NKAIN2: variants seen among roughly 807,000 people sequenced by gnomAD.
NKAIN2 encodes sodium/potassium-transporting ATPase subunit beta-1-interacting protein 2.
A neutral mutation model predicts 32.6 loss-of-function variants in NKAIN2; 14 were observed. That is an observed-to-expected ratio of 0.43 (90% confidence interval 0.28 to 0.67). The LOEUF (loss-of-function observed/expected upper bound fraction) is 0.67, where lower values mean the gene tolerates loss of function less well. NKAIN2 is among the 30% of genes least tolerant of loss of function. The pLI is 0.17. For missense variants in NKAIN2, 198 were observed against 258.3 expected (o/e 0.77, Z 1.60); for synonymous variants, 80 against 87.2 (o/e 0.92, Z 0.46).
chr6:123,993,819 A>G (rs1305833765), intron 1 of NKAIN2, among the ~76,000 whole-genome samples: 2 of 152,216 alleles, frequency 1.3e-5, no homozygotes, highest in Admixed American at 6.6e-5. Context: ...TCACACTGGA[A>G]GTAGCTTTTA....
At chr6:124,804,421 T>A (rs1015246750) in intron 5 of NKAIN2, 1 of 731,116 alleles carries the variant, frequency 1.4e-6, no homozygotes, top group African/African-American at 1.9e-5. Context: ...TTATTTATTA[T>A]GATACTATTA....
At chr6:124,346,982 C>G (rs1262214991) in intron 2 of NKAIN2, among the ~76,000 whole-genome samples, 1 of 152,128 alleles carries the variant, frequency 6.6e-6, no homozygotes, top group Non-Finnish European at 1.5e-5. Context: ...CCGGTTGTGC[C>G]TTTCCATGTT....
Position 124,385,463 on chromosome 6 carries a change from A to G in NKAIN2, c.273+30116A>G, listed in dbSNP as rs946934646. 2.6e-5 allele frequency among the ~76,000 whole-genome samples: 4 copies of G among 152,142 alleles called. No homozygotes were observed. The East Asian group carries it at 7.7e-4, about 29-fold the overall frequency. ...TTATAACCACCCCAAATGCACGATTATAACCACCCCTAGATCTTTTTAAAC... is the reference window on the plus strand; with the variant it reads ...TTATAACCACCCCAAATGCACGATTGTAACCACCCCTAGATCTTTTTAAAC... On this transcript the variant is annotated intron_variant, in intron 3 of 6. Transcript: ENST00000368417.
chr6:124,806,567 G>T (rs1431767119), intron 5 of NKAIN2, among the ~76,000 whole-genome samples: 5 of 151,892 alleles, frequency 3.3e-5, no homozygotes, highest in Non-Finnish European at 1.5e-5. Flanking sequence ...AGACTAGGAA[G>T]AAACTGCATC....
At chr6:124,202,605 CT>C (rs1326312832) in intron 1 of NKAIN2, among the ~76,000 whole-genome samples, 1 of 151,894 alleles carries the variant, frequency 6.6e-6, no homozygotes, top group East Asian at 1.9e-4. Context: ...GATACTATTA[CT>C]TATTGCCTAT....
At chr6:124,506,523 A>T (rs542589035) in intron 3 of NKAIN2, among the ~76,000 whole-genome samples, 1 of 152,316 alleles carries the variant, frequency 6.6e-6, no homozygotes, top group Admixed American at 6.5e-5. Context: ...TGAGGTTTTC[A>T]TACCTTCCTC....
At chr6:124,301,079 G>A (rs1360452144) in intron 2 of NKAIN2, among the ~76,000 whole-genome samples, 1 of 152,002 alleles carries the variant, frequency 6.6e-6, no homozygotes, top group East Asian at 2.0e-4. Flanking sequence ...AGAGGCCTCA[G>A]AGGCAAAAAT....
intron 1 of NKAIN2, among the ~76,000 whole-genome samples, chr6:124,244,235 C>G (rs961066592): frequency 9.3e-6 from 1 of 107,080 alleles, no homozygotes; most frequent in African/African-American, 3.6e-5. Context: ...AGCTATCCCT[C>G]CCCCCTCCCC....
chr6:123,901,119 T>TA (rs1774565842), intron 1 of NKAIN2, among the ~76,000 whole-genome samples: 2 of 152,166 alleles, frequency 1.3e-5, no homozygotes, highest in African/African-American at 4.8e-5. Flanking sequence ...CTTAGTATTT[T>TA]AAAATAAGTC....
At chr6:124,149,894 T>G (rs1246433293) in intron 1 of NKAIN2, among the ~76,000 whole-genome samples, 1 of 151,434 alleles carries the variant, frequency 6.6e-6, no homozygotes, top group Non-Finnish European at 1.5e-5. Context: ...TTTTATTCAG[T>G]GCAGGCACAA....
intron 4 of NKAIN2, among the ~76,000 whole-genome samples, chr6:124,780,964 G>C (rs1053780924): frequency 2.0e-5 from 3 of 152,134 alleles, no homozygotes; most frequent in African/African-American, 7.2e-5. Context: ...AAACTCCTCT[G>C]TGATTTGTCT....
chr6:124,074,448 T>G (rs572165762), intron 1 of NKAIN2, among the ~76,000 whole-genome samples: 2 of 152,264 alleles, frequency 1.3e-5, no homozygotes, highest in East Asian at 3.9e-4. Context: ...GCAATCAGGC[T>G]TTTTCAAGGA....
At chr6:124,773,544 G>T (rs1466157276) in intron 4 of NKAIN2, among the ~76,000 whole-genome samples, 1 of 152,068 alleles carries the variant, frequency 6.6e-6, no homozygotes, top group Non-Finnish European at 1.5e-5. Flanking sequence ...AGCAATGGAG[G>T]TAAATTTGAA....
At chr6:124,126,584 A>T (rs796101577) in intron 1 of NKAIN2, among the ~76,000 whole-genome samples, 36 of 93,028 alleles carry the variant, frequency 3.9e-4, no homozygotes, top group African/African-American at 1.2e-3. Flanking sequence ...TCCCTACTGG[A>T]GGACACTGAT....
In NKAIN2 at chr6:124,707,489, C is replaced by T. The variant is rs563775084; in HGVS notation, c.474+49103C>T. Among the ~76,000 whole-genome samples the T allele has an allele frequency of 1.6e-3, 232 of 147,138 alleles. 1 individual carries two copies. The highest frequency in any genetic ancestry group is 5.8e-3 in the African/African-American group (225 of 39,086). The stretch of plus-strand genomic sequence containing the variant: ...AAAGGTGTTCCTATTTCTCCACATC[C>T]TCTCCAGCACCTGTTGTTTCCTGAC... On this transcript the variant is annotated intron_variant, in intron 4 of 6. Coordinates refer to ENST00000368417, the MANE Select transcript of NKAIN2 (RefSeq NM_001040214.3).
In NKAIN2 at chr6:124,354,330, C is replaced by T. The variant is rs537852961; in HGVS notation, c.193-937C>T. 1.1e-3 allele frequency among the ~76,000 whole-genome samples: 172 copies of T among 152,238 alleles called. 1 individual carries two copies. The South Asian group carries it at 0.016, about 14-fold the overall frequency. On this transcript the variant is annotated intron_variant, in intron 2 of 6. Transcript: ENST00000368417. ...TCATTGGTCTTTGCATTCTCAGTGT[C>T]TTGCTAGCATGTTGCCTTCTGGATG...
intron 3 of NKAIN2, among the ~76,000 whole-genome samples, chr6:124,598,544 TTC>T (rs1373169250): frequency 1.3e-5 from 2 of 152,004 alleles, no homozygotes; most frequent in African/African-American, 4.8e-5. Context: ...CACATATCAC[TTC>T]CACTTGCATG....
intron 1 of NKAIN2, among the ~76,000 whole-genome samples, chr6:123,973,166 T>A (rs1425989059): frequency 6.6e-6 from 1 of 152,076 alleles, no homozygotes; most frequent in Non-Finnish European, 1.5e-5. Context: ...CTCCCTAATA[T>A]ATCATTCCTG....
chr6:123,874,848 C>T (rs1773093841), intron 1 of NKAIN2, among the ~76,000 whole-genome samples: 1 of 151,746 alleles, frequency 6.6e-6, no homozygotes, highest in African/African-American at 2.4e-5. Context: ...CTGTGGTTAC[C>T]ATTATTGGAT....
Sources: gnomAD v4.1 joint callset for allele counts (sites outside exome capture counted in the v4.1 genomes callset) on GRCh38, gnomAD v4.1.1 for gene constraint, MANE v1.5 for transcripts, NCBI Gene and HGNC (gene_info 2026-07-23, HGNC 2026-07-21) for gene names.